Variants in NUP188 observed in about 807,000 individuals in gnomAD.
The protein encoded by NUP188 is nucleoporin 188, also known as nucleoporin NUP188.
A neutral mutation model predicts 223.0 loss-of-function variants in NUP188; 97 were observed. The ratio of observed to expected loss-of-function variants is 0.43; its 90% CI spans 0.37 to 0.51. The LOEUF (loss-of-function observed/expected upper bound fraction) is 0.51, where lower values mean the gene tolerates loss of function less well. NUP188 is among the 20% of genes least tolerant of loss of function. NUP188 has a pLI of 0.00. For missense variants in NUP188, 1,947 were observed against 2,175.6 expected, an observed-to-expected ratio of 0.89 and a Z score of 2.09; for synonymous variants, 869 against 828.0, an observed-to-expected ratio of 1.05 and a Z score of -0.85.
rs1240718152 is a variant in NUP188 at position 128,952,791 on chromosome 9, C to A, written c.106C>A (p.Leu36Met). 6.2e-7 allele frequency: 1 copy of A among 1,613,006 alleles called. No homozygotes were observed. The highest frequency in any genetic ancestry group is 1.1e-5 in the South Asian group (1 of 91,064). ...TTTCCAGAGTCAGATTGAGGCAGAA[C>A]TGAATAAACATTGGCGGCGATTGTT... ...LRELSQIEAE[L>M]NKHWRRLLEG... Residue 36 changes from leucine to methionine, a missense_variant, in exon 3 of 44, where the codon CTG becomes ATG. Leu to Met is a conservative substitution (Grantham distance 15). Coordinates refer to ENST00000372577, the MANE Select transcript of NUP188 (RefSeq NM_015354.3).
In NUP188 at chr9:128,959,527, C is replaced by CTT. The variant is rs1303364478; in HGVS notation, c.585+412_585+413dup. On this transcript the variant is annotated intron_variant, in intron 8 of 43. Coordinates refer to ENST00000372577, the MANE Select transcript of NUP188 (RefSeq NM_015354.3). ...CATTCATTTAAAACATACAGATTAT[C>CTT]TTTTTTTTTTTTTTTTTTTTGGTGA... 1.8e-3 allele frequency among the ~76,000 whole-genome samples: 228 copies of CTT among 123,882 alleles called. 8 individuals are homozygous for CTT. Among genetic ancestry groups the CTT allele is most frequent in the African/African-American group, 5.3e-3 (165 of 31,116 alleles). 81.3% of individuals were successfully genotyped at this position (123,882 alleles called of 152,430 possible).
At chr9:128,998,847 C>T (rs910341155) in intron 32 of NUP188, among the ~76,000 whole-genome samples, 1 of 150,120 alleles carries the variant, frequency 6.7e-6, no homozygotes, top group Non-Finnish European at 1.5e-5. Flanking sequence ...TCACTCCCCA[C>T]CCCGTATTCT....
At chr9:128,994,471 G>A (rs201751731) in intron 28 of NUP188, 29 bp downstream of exon 28, 45 of 1,523,112 alleles carry the variant, frequency 3.0e-5, no homozygotes, top group Non-Finnish European at 6.4e-6. Context: ...CAGGATGGTG[G>A]CTACAAGTCC....
chr9:128,949,124 T>G, intron 1 of NUP188, 65 bp from the exon 2 acceptor site: 1 of 1,172,512 alleles, frequency 8.5e-7, no homozygotes, highest in Non-Finnish European at 1.3e-6. Flanking sequence ...AAAATGGCTA[T>G]GAGGCAGTGT....
intron 27 of NUP188, 120 bp downstream of exon 27, chr9:128,993,814 T>G: frequency 1.2e-6 from 1 of 833,946 alleles, no homozygotes; most frequent in Non-Finnish European, 1.9e-6. Flanking sequence ...TAGTCCTGGT[T>G]CAATACCTGG....
intron 30 of NUP188, among the ~76,000 whole-genome samples, chr9:128,997,481 CA>C (rs1842548799): frequency 6.6e-6 from 1 of 152,184 alleles, no homozygotes; most frequent in Non-Finnish European, 1.5e-5. Context: ...GCAGGGCCTT[CA>C]AGCCCTATTT....
chr9:128,965,804 A>AT (rs569267528), intron 8 of NUP188, among the ~76,000 whole-genome samples: 3,858 of 136,990 alleles, frequency 0.028, 149 homozygotes, highest in African/African-American at 0.091. Flanking sequence ...TCTGTTGTGT[A>AT]TTTTTTTTTT....
chr9:128,973,241 A>T lies in NUP188; in HGVS notation c.1195A>T (p.Asn399Tyr). The change falls in exon 12 of 44, where the codon AAT becomes TAT. Residue 399 changes from asparagine (N) to tyrosine (Y), a missense_variant. By Grantham distance (143) the Asn-to-Tyr change is moderately radical. Transcript: ENST00000372577. Reference protein sequence around the residue: ...LTSLELHTLGNQQDIIDTACE... With the variant: ...LTSLELHTLGYQQDIIDTACE... ...CTCGTTGGAGCTGCACACCCTGGGC[A>T]ATCAGCAGGTCAGTGTCTGGCTTTC... is the stretch of plus-strand genomic sequence containing the variant. The T allele has an allele frequency of 6.2e-7, 1 of 1,612,758 alleles. No individual in the cohort carries two copies. The highest frequency in any genetic ancestry group is 8.5e-7 in the Non-Finnish European group (1 of 1,179,650).
chr9:128,990,000 C>T, intron 24 of NUP188, 120 bp from the exon 25 acceptor site: 2 of 766,212 alleles, frequency 2.6e-6, no homozygotes, highest in Non-Finnish European at 4.6e-6. Flanking sequence ...CTGTGGCCCT[C>T]CAAGTACTTG....
intron 12 of NUP188, among the ~76,000 whole-genome samples, chr9:128,974,368 A>G (rs1312975658): frequency 6.7e-6 from 1 of 149,238 alleles, no homozygotes; most frequent in Non-Finnish European, 1.5e-5. Flanking sequence ...GGTGCTAGTA[A>G]GTCTTCTGCA....
In NUP188 at chr9:128,998,635, C is replaced by A; in HGVS notation, c.3515+12C>A. ...CGGCAGTGGAAGAGGTGAGGCTGTG[C>A]CAGGAGAGGCAAGCCCGAGGCCAGA... On this transcript the variant is annotated intron_variant, in intron 32 of 43. Coordinates refer to ENST00000372577, the MANE Select transcript of NUP188 (RefSeq NM_015354.3). 5 of 1,609,370 alleles carry A rather than the reference C, an allele frequency of 3.1e-6. No individual in the cohort carries two copies. The highest frequency in any genetic ancestry group is 4.3e-6 in the Non-Finnish European group (5 of 1,176,210).
Position 128,990,179 on chromosome 9 carries a change from C to T in NUP188, c.2593C>T (p.Pro865Ser). The T allele has an allele frequency of 6.2e-7, 1 of 1,614,182 alleles. No homozygotes were observed. The highest frequency in any genetic ancestry group is 8.5e-7 in the Non-Finnish European group (1 of 1,180,034). The change falls in exon 25 of 44, where the codon CCT becomes TCT. Residue 865 changes from proline to serine, a missense_variant. Physicochemically the swap from Pro to Ser is moderately conservative, Grantham distance 74. Coordinates refer to ENST00000372577, the MANE Select transcript of NUP188 (RefSeq NM_015354.3). Reference sequence around the variant, plus strand: ...CAAATACATCTACCACAAACATGACCCTGCTTTGCCACGTCTTGCCATTCA... The same window carrying T: ...CAAATACATCTACCACAAACATGACTCTGCTTTGCCACGTCTTGCCATTCA... ...LAKYIYHKHDPALPRLAIQLL... is the reference protein window; with the variant it reads ...LAKYIYHKHDSALPRLAIQLL...
Position 128,985,030 on chromosome 9 carries a change from G to A in NUP188, c.2076+16G>A. ...CCTTGTCAAGGTACAGTCTGATTTTGTTCACAAAGGGCAGAAAAAGAAAAG... is the reference window on the plus strand; with the variant it reads ...CCTTGTCAAGGTACAGTCTGATTTTATTCACAAAGGGCAGAAAAAGAAAAG... On this transcript the variant is annotated intron_variant, in intron 20 of 43. Transcript: ENST00000372577. The A allele has an allele frequency of 6.4e-7, 1 of 1,566,260 alleles. No individual in the cohort carries two copies. Among genetic ancestry groups the A allele is most frequent in the South Asian group, 1.1e-5 (1 of 89,108 alleles).
rs190031705 is a variant in NUP188 at position 128,964,308 on chromosome 9, A to G, written c.586-4198A>G. Reference sequence around the variant, plus strand: ...TGTAAATATAAGCTATTTACCAGATAGATGTTTTACAACTTTTTTCTTCCA... The same window carrying G: ...TGTAAATATAAGCTATTTACCAGATGGATGTTTTACAACTTTTTTCTTCCA... On this transcript the variant is annotated intron_variant, in intron 8 of 43. Transcript: ENST00000372577. The G allele has an allele frequency of 1.8e-3, 659 of 371,866 alleles. 10 individuals carry two copies. The highest frequency in any genetic ancestry group is 0.014 in the African/African-American group (628 of 45,058). The allele number at this position is 371,866 out of a possible 1,614,324, so 23.0% of individuals were successfully genotyped here.
At position 128,982,968 on chromosome 9, in the gene NUP188, AC is replaced by A; in HGVS notation, c.1738del (p.Leu580CysfsTer3). The A allele has an allele frequency of 1.2e-6, 2 of 1,614,104 alleles. No individual in the cohort carries two copies. Among genetic ancestry groups the A allele is most frequent in the Non-Finnish European group, 1.7e-6 (2 of 1,180,000 alleles). On this transcript the variant is annotated frameshift_variant, in exon 17 of 44. Transcript: ENST00000372577. LOFTEE classifies it high-confidence loss of function. ...IDLVHKVISTDLSIADCLLPI... is the reference protein window; with the variant it reads ...IDLVHKVISTXLSIADCLLPI... ...CTCGTCCATAAGGTCATCAGTACAG[AC>A]CTGTCGATAGCAGACTGTCTCCTGC...
chr9:128,998,341 C>T (rs767416623), intron 31 of NUP188, 113 bp downstream of exon 31: 3 of 1,117,976 alleles, frequency 2.7e-6, no homozygotes, highest in Non-Finnish European at 4.1e-6. Flanking sequence ...TCACAGGGCT[C>T]ACGTTGGCCT....
At chr9:128,995,835 C>G (rs1842515543) in intron 30 of NUP188, among the ~76,000 whole-genome samples, 1 of 152,200 alleles carries the variant, frequency 6.6e-6, no homozygotes, top group Non-Finnish European at 1.5e-5. Context: ...GCATAACTGT[C>G]TTCTCGTGCT....
chr9:128,969,486 A>G lies in NUP188; in HGVS notation c.884A>G (p.Gln295Arg). 6.3e-7 allele frequency: 1 copy of G among 1,587,140 alleles called. No individual in the cohort carries two copies. Among genetic ancestry groups the G allele is most frequent in the Non-Finnish European group, 8.5e-7 (1 of 1,170,652 alleles). ...CALDDRRELH[Q>R]FAQDGLICQD... ...TTGGATGACAGAAGAGAACTGCATC[A>G]GTTTGCGCAGGATGGGCTTATTTGT... The change falls in exon 10 of 44, where the codon CAG becomes CGG. Residue 295 changes from glutamine (Q) to arginine (R), a missense_variant. Gln to Arg is a conservative substitution (Grantham distance 43). This residue lies in a region of NUP188 where 817 missense variants were observed against 865.8 expected (regional missense o/e 0.94). Transcript: ENST00000372577.
intron 3 of NUP188, among the ~76,000 whole-genome samples, chr9:128,954,865 T>C (rs1490159609): frequency 6.6e-6 from 1 of 151,974 alleles, no homozygotes; most frequent in Non-Finnish European, 1.5e-5. Context: ...TCTTTTTTTT[T>C]TTTTTGAGAT....
Sources: allele counts gnomAD v4.1 joint callset (sites outside exome capture counted in the v4.1 genomes callset), GRCh38; gene constraint gnomAD v4.1.1; regional missense constraint gnomAD v4.1.1; transcripts MANE v1.5; gene names NCBI Gene and HGNC (gene_info 2026-07-23, HGNC 2026-07-21).